FIBCD1: variants seen among roughly 807,000 people sequenced by gnomAD.
FIBCD1 encodes the protein fibrinogen C domain containing 1.
Under a neutral mutation model 45.1 loss-of-function variants are expected in FIBCD1, and 47 were observed. The observed-to-expected ratio is 1.04, with a 90% CI of 0.82 to 1.33. The LOEUF (loss-of-function observed/expected upper bound fraction) is 1.33. Among genes scored for constraint, FIBCD1 ranks in the 40% most tolerant of loss-of-function variants. FIBCD1 has a pLI of 0.00. For synonymous variants in FIBCD1, 313 were observed against 308.1 expected, an observed-to-expected ratio of 1.02 and a Z score of -0.17; for missense variants, 653 against 682.2, an observed-to-expected ratio of 0.96 and a Z score of 0.48.
At chr9:130,914,883 T>A (rs574226534) in intron 4 of FIBCD1, among the ~76,000 whole-genome samples, 1 of 152,306 alleles carries the variant, frequency 6.6e-6, no homozygotes, top group Admixed American at 6.5e-5. Flanking sequence ...GCTCGGGGGC[T>A]GCGTGCTCTC....
upstream of FIBCD1, among the ~76,000 whole-genome samples, chr9:130,940,258 C>T (rs1832600844): frequency 6.6e-6 from 1 of 152,264 alleles, no homozygotes; most frequent in African/African-American, 2.4e-5. Context: ...GGCCCGGTGC[C>T]ATCCGAGGAG....
Position 130,911,982 on chromosome 9 carries a change from C to A in FIBCD1, c.850-94G>T, listed in dbSNP as rs1489647797. The A allele has an allele frequency of 1.0e-5, 12 of 1,180,424 alleles. No individual in the cohort carries two copies. The East Asian group carries it at 3.1e-4, about 30-fold the overall frequency. The allele number at this position is 1,180,424 out of a possible 1,614,324, so 73.1% of individuals were successfully genotyped here. On this transcript the variant is annotated intron_variant, in intron 4 of 6. Transcript: ENST00000372338. ...ACCCCGCCCAGAGACTCCCCTCACC[C>A]TGCTCCCAACCTGCCCTCTCGGGAG... is the stretch of plus-strand genomic sequence containing the variant.
rs369151448 is a variant in FIBCD1, at chr9:130,929,950, C to T, written c.169G>A (p.Ala57Thr). 2.5e-5 allele frequency: 39 copies of T among 1,549,068 alleles called. No individual in the cohort carries two copies. Among genetic ancestry groups the T allele is most frequent in the Non-Finnish European group, 3.1e-5 (35 of 1,146,344 alleles). The part of the protein sequence containing the change: ...VTGAVLFLNH[A>T]HAPGTAPPPV... ...GGGGGCGCCGTGCCCGGCGCGTGGG[C>T]GTGGTTCAGGAAGAGCACGGCACCG... Residue 57 changes from alanine to threonine, a missense_variant, in exon 2 of 7, where the codon GCC becomes ACC. Ala to Thr is a moderately conservative substitution (Grantham distance 58). Transcript: ENST00000372338.
intron 1 of FIBCD1, among the ~76,000 whole-genome samples, chr9:130,932,203 A>T (rs1174020488): frequency 2.0e-5 from 3 of 152,244 alleles, no homozygotes; most frequent in African/African-American, 7.2e-5. Flanking sequence ...CTAGAAGATG[A>T]GGCAGAGGAA....
chr9:130,906,276 T>G lies in FIBCD1; in HGVS notation c.947-863A>C, dbSNP rs1310238952. Among the ~76,000 whole-genome samples, 4 of 152,294 alleles carry G rather than the reference T, an allele frequency of 2.6e-5. No homozygotes were observed. The South Asian group carries it at 6.2e-4, about 24-fold the overall frequency. On this transcript the variant is annotated intron_variant, in intron 5 of 6. Coordinates refer to ENST00000372338, the MANE Select transcript of FIBCD1 (RefSeq NM_032843.5). ...CCAAGATGCTTCACTGCTGGTGTGGTTACTCTTGATTAAGAGGGCATTTAA... is the reference window on the plus strand; with the variant it reads ...CCAAGATGCTTCACTGCTGGTGTGGGTACTCTTGATTAAGAGGGCATTTAA...
At chr9:130,911,081 G>T (rs1028339235) in intron 5 of FIBCD1, among the ~76,000 whole-genome samples, 1 of 152,268 alleles carries the variant, frequency 6.6e-6, no homozygotes, top group African/African-American at 2.4e-5. Flanking sequence ...TCGGCAACCC[G>T]CTCAGGTTCC....
chr9:130,928,102 C>T lies in FIBCD1; in HGVS notation c.552+1465G>A, dbSNP rs1041781970. Among the ~76,000 whole-genome samples the T allele has an allele frequency of 2.0e-4, 31 of 152,234 alleles. 1 individual carries two copies. The highest frequency in any genetic ancestry group is 7.2e-4 in the African/African-American group (30 of 41,462). ...AGGAGTTAGGAGCACGGCTCGCTGC[C>T]TCTGAATGAAACATAAAGACCCACT... On this transcript the variant is annotated intron_variant, in intron 2 of 6. Transcript: ENST00000372338.
In FIBCD1 at chr9:130,926,557, C is replaced by A. The variant is rs775599767; in HGVS notation, c.553-2161G>T. On this transcript the variant is annotated intron_variant, in intron 2 of 6. Transcript: ENST00000372338. The surrounding 1 kb of genome is among the most constrained non-coding windows in gnomAD (Gnocchi z 4.1). ...TAACAAGGCCGGGTGTGGTGGCTCA[C>A]GCCTGTAATCCCAGCACTTTGGGAG... is the stretch of plus-strand genomic sequence containing the variant. Among the ~76,000 whole-genome samples the A allele has an allele frequency of 2.6e-5, 4 of 152,182 alleles. No individual in the cohort carries two copies. Among genetic ancestry groups the A allele is most frequent in the Non-Finnish European group, 5.9e-5 (4 of 68,044 alleles).
At chr9:130,906,281 CTTGA>C (rs1274911462) in intron 5 of FIBCD1, among the ~76,000 whole-genome samples, 1 of 152,186 alleles carries the variant, frequency 6.6e-6, no homozygotes, top group Non-Finnish European at 1.5e-5. Context: ...TGTGGTTACT[CTTGA>C]TTAAGAGGGC....
chr9:130,923,378 G>A (rs185768776), intron 4 of FIBCD1, among the ~76,000 whole-genome samples: 35 of 152,228 alleles, frequency 2.3e-4, no homozygotes, highest in African/African-American at 7.2e-4. Context: ...AAAGCCGGGC[G>A]CCCACACACA....
rs1188538633 is a variant in FIBCD1, at chr9:130,924,366, G to A, written c.583C>T (p.His195Tyr). 10 of 1,609,740 alleles carry A rather than the reference G, an allele frequency of 6.2e-6. No individual in the cohort carries two copies. Among genetic ancestry groups the A allele is most frequent in the South Asian group, 4.4e-5 (4 of 90,024 alleles). Residue 195 changes from histidine to tyrosine, a missense_variant, in exon 3 of 7, where the codon CAC becomes TAC. His to Tyr is a moderately conservative substitution (Grantham distance 83). Coordinates refer to ENST00000372338, the MANE Select transcript of FIBCD1 (RefSeq NM_032843.5). ...ATGTCGCTGACGGAGTTCACCAGGT[G>A]AGCCATGTGGCCCTGGCTCTCAGAG... The part of the protein sequence containing the change: ...LLSESQGHMA[H>Y]LVNSVSDILD...
chr9:130,908,374 T>A (rs1477295030), intron 5 of FIBCD1, among the ~76,000 whole-genome samples: 1 of 152,184 alleles, frequency 6.6e-6, no homozygotes, highest in Non-Finnish European at 1.5e-5. Context: ...TAAGATACCA[T>A]GAGCACGGGC....
chr9:130,916,547 G>A (rs550594226), intron 4 of FIBCD1, among the ~76,000 whole-genome samples: 5 of 152,372 alleles, frequency 3.3e-5, no homozygotes, highest in African/African-American at 1.2e-4. Context: ...CCAGCTTCCC[G>A]TGTGGGGGAA....
chr9:130,924,387 C>G lies in FIBCD1; in HGVS notation c.562G>C (p.Glu188Gln). 8 of 1,608,082 alleles carry G rather than the reference C, an allele frequency of 5.0e-6. No individual in the cohort carries two copies. Among genetic ancestry groups the G allele is most frequent in the Non-Finnish European group, 6.8e-6 (8 of 1,178,450 alleles). Residue 188 changes from glutamate (E) to glutamine (Q), a missense_variant, in exon 3 of 7, where the codon GAG becomes CAG. Glu to Gln is a conservative substitution (Grantham distance 29). Transcript: ENST00000372338. ...AGGTGAGCCATGTGGCCCTGGCTCT[C>G]AGAGAGAAGCTGCGGAGCACAGGGG... ...EQGRLIQLLS[E>Q]SQGHMAHLVN...
intron 1 of FIBCD1, among the ~76,000 whole-genome samples, chr9:130,934,628 C>T (rs1437857646): frequency 2.0e-5 from 3 of 152,206 alleles, no homozygotes; most frequent in Non-Finnish European, 2.9e-5. Flanking sequence ...CCACCCTCCC[C>T]GCGACATACA....
In FIBCD1 at chr9:130,923,903, G is replaced by C. The variant is rs756059615; in HGVS notation, c.713-23C>G. 11 of 1,611,446 alleles carry C rather than the reference G, an allele frequency of 6.8e-6. No individual in the cohort carries two copies. The South Asian group carries it at 1.2e-4, about 18-fold the overall frequency. Reference sequence around the variant, plus strand: ...AGCCTGAGGGAGGCAAGGCTGTCAGGGTGGCTGCGGCCCCAGCACGTTCCT... The same window carrying C: ...AGCCTGAGGGAGGCAAGGCTGTCAGCGTGGCTGCGGCCCCAGCACGTTCCT... On this transcript the variant is annotated intron_variant, in intron 3 of 6. Transcript: ENST00000372338.
chr9:130,911,971 C>T (rs1832061739), intron 4 of FIBCD1, 83 bp from the exon 5 acceptor site: 2 of 1,283,356 alleles, frequency 1.6e-6, no homozygotes, highest in Non-Finnish European at 2.2e-6. Flanking sequence ...CGCCCAGAGA[C>T]TCCCCTCACC....
chr9:130,907,325 C>G (rs1159552116), intron 5 of FIBCD1, among the ~76,000 whole-genome samples: 2 of 152,184 alleles, frequency 1.3e-5, no homozygotes, highest in Non-Finnish European at 2.9e-5. Flanking sequence ...GCCACCTCCT[C>G]CCTCCCTCGC....
At position 130,924,338 on chromosome 9, in the gene FIBCD1, A is replaced by G; in HGVS notation, c.611T>C (p.Leu204Pro). The change falls in exon 3 of 7, where the codon CTG becomes CCG. Residue 204 changes from leucine to proline, a missense_variant. Coordinates refer to ENST00000372338, the MANE Select transcript of FIBCD1 (RefSeq NM_032843.5). ...AHLVNSVSDI[L>P]DALQRDRGLG... Reference sequence around the variant, plus strand: ...CCCCCGGTCCCTCTGCAGGGCATCCAGGATGTCGCTGACGGAGTTCACCAG... The same window carrying G: ...CCCCCGGTCCCTCTGCAGGGCATCCGGGATGTCGCTGACGGAGTTCACCAG... The G allele has an allele frequency of 6.2e-7, 1 of 1,608,760 alleles. No individual in the cohort carries two copies. The highest frequency in any genetic ancestry group is 8.5e-7 in the Non-Finnish European group (1 of 1,178,752).
Sources: allele counts gnomAD v4.1 joint callset (sites outside exome capture counted in the v4.1 genomes callset), GRCh38; gene constraint gnomAD v4.1.1; non-coding constraint Gnocchi (gnomAD v3.1); transcripts MANE v1.5; gene names NCBI Gene and HGNC (gene_info 2026-07-23, HGNC 2026-07-21).